Variants in SLC44A5 observed in about 807,000 individuals in gnomAD.
The protein encoded by SLC44A5 is solute carrier family 44 member 5.
SLC44A5 carries 57 observed loss-of-function variants against 101.8 expected under a neutral mutation model. The ratio of observed to expected loss-of-function variants is 0.56; its 90% confidence interval spans 0.45 to 0.70. SLC44A5 has a LOEUF of 0.70. Ranked by LOEUF, SLC44A5 falls within the 30% of genes least tolerant of loss-of-function variation. The probability of loss-of-function intolerance (pLI) is 0.00; values close to 1 mark genes in which losing one functional copy is unlikely to be tolerated. For synonymous variants in SLC44A5, 281 were observed against 290.9 expected, an observed-to-expected ratio of 0.97 and a Z score of 0.35; for missense variants, 737 against 853.1, an observed-to-expected ratio of 0.86 and a Z score of 1.70.
intron 5 of SLC44A5, among the ~76,000 whole-genome samples, chr1:75,295,891 A>T (rs959994571): frequency 2.0e-5 from 3 of 152,072 alleles, no homozygotes; most frequent in African/African-American, 7.2e-5. Context: ...GATTTCCTTA[A>T]GTAATAAATG....
chr1:75,557,571 T>A (rs1379430857), intron 1 of SLC44A5, among the ~76,000 whole-genome samples: 1 of 152,162 alleles, frequency 6.6e-6, no homozygotes, highest in Non-Finnish European at 1.5e-5. Flanking sequence ...ATTCTACAAG[T>A]GTTATCTGGG....
chr1:75,632,545 C>G, the SLC44A5 span, among the ~76,000 whole-genome samples: 1 of 152,192 alleles, frequency 6.6e-6, no homozygotes, highest in African/African-American at 2.4e-5. Context: ...CCTTCACCCT[C>G]TGCTGACCAT....
At chr1:75,466,898 G>A (rs1056467027) in intron 2 of SLC44A5, among the ~76,000 whole-genome samples, 1 of 151,924 alleles carries the variant, frequency 6.6e-6, no homozygotes. Context: ...AAGTCAAATT[G>A]TCCTATTTGC....
At chr1:75,317,173 C>T (rs1655756619) in intron 4 of SLC44A5, among the ~76,000 whole-genome samples, 1 of 152,096 alleles carries the variant, frequency 6.6e-6, no homozygotes, top group Admixed American at 6.6e-5. Context: ...TCTCTGATAC[C>T]AGGAAAGTGT....
At chr1:75,354,687 G>A (rs1050756405) in intron 3 of SLC44A5, among the ~76,000 whole-genome samples, 2 of 152,086 alleles carry the variant, frequency 1.3e-5, no homozygotes, top group African/African-American at 2.4e-5. Flanking sequence ...TGATCACTCC[G>A]ACACAGAAAA....
At chr1:75,712,520 T>A in the SLC44A5 span, among the ~76,000 whole-genome samples, 1 of 152,112 alleles carries the variant, frequency 6.6e-6, no homozygotes, top group African/African-American at 2.4e-5. Context: ...AACAGAAGTG[T>A]CAATGAATGT....
chr1:75,716,448 G>C, the SLC44A5 span, among the ~76,000 whole-genome samples: 1 of 151,638 alleles, frequency 6.6e-6, no homozygotes, highest in Non-Finnish European at 1.5e-5. Context: ...TCCAGCCCAA[G>C]TGACAGAGTG....
the SLC44A5 span, among the ~76,000 whole-genome samples, chr1:75,636,913 A>G: frequency 4.6e-5 from 7 of 152,062 alleles, no homozygotes; most frequent in Non-Finnish European, 1.0e-4. Context: ...AAAAGCAGGA[A>G]GAACAAGGCT....
intron 1 of SLC44A5, among the ~76,000 whole-genome samples, chr1:75,599,047 C>A (rs1674817319): frequency 6.6e-6 from 1 of 151,950 alleles, no homozygotes; most frequent in South Asian, 2.1e-4. Context: ...TTGAATATTA[C>A]CAAACCATTT....
chr1:75,256,667 A>G (rs1650046924), intron 6 of SLC44A5, among the ~76,000 whole-genome samples: 1 of 152,180 alleles, frequency 6.6e-6, no homozygotes, highest in Non-Finnish European at 1.5e-5. Context: ...GTAAAATGGT[A>G]TTTATAGAAA....
At position 75,213,686 on chromosome 1, in the gene SLC44A5, C is replaced by A. The variant is rs1189326649; in HGVS notation, c.1962+19G>T. ...TTTTTATTATAGCAGCCTGTACTGA[C>A]TCAGACACCAGCTCTTACCAGCAAA... On this transcript the variant is annotated intron_variant, in intron 22 of 23. Coordinates refer to ENST00000370859, the MANE Select transcript of SLC44A5 (RefSeq NM_001130058.2). 2 of 1,548,898 alleles carry A rather than the reference C, an allele frequency of 1.3e-6. No homozygotes were observed. Among genetic ancestry groups the A allele is most frequent in the Admixed American group, 1.7e-5 (1 of 59,590 alleles).
At chr1:75,638,796 T>G in the SLC44A5 span, among the ~76,000 whole-genome samples, 1 of 152,090 alleles carries the variant, frequency 6.6e-6, no homozygotes, top group Non-Finnish European at 1.5e-5. Flanking sequence ...ATTTTCTTTA[T>G]CCATTCCTTC....
intron 5 of SLC44A5, among the ~76,000 whole-genome samples, chr1:75,290,613 T>G (rs1213014244): frequency 6.6e-6 from 1 of 151,984 alleles, no homozygotes; most frequent in East Asian, 1.9e-4. Flanking sequence ...AGGAAGAAAT[T>G]CTACAAACTC....
In SLC44A5 at chr1:75,251,700, A is replaced by G. The variant is rs117215664; in HGVS notation, c.261-406T>C. 9.2e-5 allele frequency among the ~76,000 whole-genome samples: 14 copies of G among 152,348 alleles called. No homozygotes were observed. The East Asian group carries it at 2.7e-3, about 29-fold the overall frequency. On this transcript the variant is annotated intron_variant, in intron 6 of 23. Coordinates refer to ENST00000370859, the MANE Select transcript of SLC44A5 (RefSeq NM_001130058.2). ...AACAAATATAACATGAAGAAACATT[A>G]TTACATCTGAATGTTGGGATTATAT...
At chr1:75,295,544 TG>T (rs1313791001) in intron 5 of SLC44A5, among the ~76,000 whole-genome samples, 1 of 152,190 alleles carries the variant, frequency 6.6e-6, no homozygotes, top group Non-Finnish European at 1.5e-5. Flanking sequence ...GAGACTGGGC[TG>T]GGGTCCTAGG....
intron 5 of SLC44A5, among the ~76,000 whole-genome samples, chr1:75,276,798 G>C (rs150002240): frequency 6.6e-6 from 1 of 152,162 alleles, no homozygotes. Context: ...GAGATGAGAC[G>C]GAAGGGAGCA....
At chr1:75,221,534 G>T (rs756775390) in intron 14 of SLC44A5, among the ~76,000 whole-genome samples, 1 of 152,146 alleles carries the variant, frequency 6.6e-6, no homozygotes, top group East Asian at 1.9e-4. Context: ...GATATGAAAT[G>T]TATAGTCTGG....
the SLC44A5 span, among the ~76,000 whole-genome samples, chr1:75,684,889 T>C: frequency 6.6e-6 from 1 of 152,212 alleles, no homozygotes; most frequent in Non-Finnish European, 1.5e-5. Context: ...GGATTCTGTG[T>C]GGGGCTCTGA....
intron 5 of SLC44A5, among the ~76,000 whole-genome samples, chr1:75,288,737 A>G (rs1161405284): frequency 1.3e-5 from 2 of 152,280 alleles, no homozygotes; most frequent in Non-Finnish European, 2.9e-5. Flanking sequence ...GTCACTTTGG[A>G]TGCAGCACTA....
Sources: gnomAD v4.1 joint callset for allele counts (sites outside exome capture counted in the v4.1 genomes callset) on GRCh38, gnomAD v4.1.1 for gene constraint, MANE v1.5 for transcripts, NCBI Gene and HGNC (gene_info 2026-07-23, HGNC 2026-07-21) for gene names.